LHFPL3: variants seen among roughly 807,000 people sequenced by gnomAD.
The protein encoded by LHFPL3 is LHFPL tetraspan subfamily member 3 protein.
A neutral mutation model predicts 19.3 loss-of-function variants in LHFPL3; 5 were observed. The ratio of observed to expected loss-of-function variants is 0.26; its 90% confidence interval spans 0.14 to 0.54. The LOEUF (loss-of-function observed/expected upper bound fraction) is 0.54, where lower values mean the gene tolerates loss of function less well. Among genes scored for constraint, LHFPL3 ranks in the 20% least tolerant of loss-of-function variants. LHFPL3 has a pLI of 0.94. For synonymous variants in LHFPL3, 133 were observed against 126.2 expected (o/e 1.05, Z -0.36); for missense variants, 249 against 307.4 (o/e 0.81, Z 1.42).
intron 2 of LHFPL3, among the ~76,000 whole-genome samples, chr7:104,871,637 C>G (rs577781802): frequency 2.0e-5 from 3 of 152,180 alleles, no homozygotes; most frequent in African/African-American, 7.2e-5. Context: ...GTAAAACACA[C>G]ACACATCGTA....
At chr7:104,746,505 C>T (rs1474292672) in intron 2 of LHFPL3, among the ~76,000 whole-genome samples, 2 of 152,136 alleles carry the variant, frequency 1.3e-5, no homozygotes, top group African/African-American at 4.8e-5. Context: ...TGAAATCTCA[C>T]CAGTTTGTTT....
Position 104,588,244 on chromosome 7 carries a change from T to A in LHFPL3, c.446-148431T>A, listed in dbSNP as rs77430762. Reference sequence around the variant, plus strand: ...AGGTTTTCTTCTAAGGTTTTTATGGTTTCAGGTCCAACATTTAAGTCTTTA... The same window carrying A: ...AGGTTTTCTTCTAAGGTTTTTATGGATTCAGGTCCAACATTTAAGTCTTTA... On this transcript the variant is annotated intron_variant, in intron 1 of 2. Transcript: ENST00000424859. Among the ~76,000 whole-genome samples, 621 of 152,334 alleles carry A rather than the reference T, an allele frequency of 4.1e-3. 34 individuals carry two copies. The East Asian group carries it at 0.099, about 24-fold the overall frequency.
chr7:104,596,388 C>G (rs1405710233), intron 1 of LHFPL3, among the ~76,000 whole-genome samples: 4 of 152,206 alleles, frequency 2.6e-5, no homozygotes, highest in Non-Finnish European at 5.9e-5. Context: ...GCAGCAATAT[C>G]TTCTTGAAAT....
chr7:104,631,306 AAACCAT>A (rs1466942352), intron 1 of LHFPL3, among the ~76,000 whole-genome samples: 1 of 152,124 alleles, frequency 6.6e-6, no homozygotes, highest in Non-Finnish European at 1.5e-5. Context: ...TTTCAGTGTA[AAACCAT>A]ATTCACTATG....
chr7:104,609,570 G>A (rs959156175), intron 1 of LHFPL3, among the ~76,000 whole-genome samples: 58 of 152,252 alleles, frequency 3.8e-4, no homozygotes, highest in African/African-American at 1.4e-3. Context: ...ATGGTGCAGA[G>A]AATATAAAAA....
intron 2 of LHFPL3, among the ~76,000 whole-genome samples, chr7:104,756,335 A>G (rs1794285352): frequency 6.6e-6 from 1 of 152,222 alleles, no homozygotes. Flanking sequence ...CAACAGCAAG[A>G]GTCTGGCATC....
intron 1 of LHFPL3, among the ~76,000 whole-genome samples, chr7:104,678,542 A>G (rs144359162): frequency 1.1e-3 from 172 of 152,312 alleles, no homozygotes; most frequent in African/African-American, 3.9e-3. Flanking sequence ...TAAAAGCTTC[A>G]AAAAGAACCT....
chr7:104,589,778 C>T (rs1035090105), intron 1 of LHFPL3, among the ~76,000 whole-genome samples: 1 of 152,240 alleles, frequency 6.6e-6, no homozygotes, highest in East Asian at 1.9e-4. Flanking sequence ...TAATTATTGC[C>T]TCAATTTCAG....
At chr7:104,886,221 C>T (rs1390106170) in intron 2 of LHFPL3, among the ~76,000 whole-genome samples, 6 of 152,206 alleles carry the variant, frequency 3.9e-5, no homozygotes, top group South Asian at 2.1e-4. Context: ...ATCATATATG[C>T]TCAATTCATA....
intron 2 of LHFPL3, among the ~76,000 whole-genome samples, chr7:104,874,390 CT>C (rs1234139276): frequency 0.026 from 3,080 of 120,412 alleles, 58 homozygotes; most frequent in African/African-American, 0.078. Context: ...AAAAGGAATG[CT>C]TTTTTTTTTT....
At chr7:104,580,616 CA>C (rs1790442345) in intron 1 of LHFPL3, among the ~76,000 whole-genome samples, 1 of 152,028 alleles carries the variant, frequency 6.6e-6, no homozygotes, top group African/African-American at 2.4e-5. Context: ...TGAATTTTGA[CA>C]AATTGGCACT....
rs1329044643 is a variant in LHFPL3 at position 104,880,422 on chromosome 7, T to C, written c.683-25765T>C. 2.0e-5 allele frequency among the ~76,000 whole-genome samples: 3 copies of C among 152,146 alleles called. No individual in the cohort carries two copies. In the East Asian group the frequency reaches 5.8e-4, roughly 29 times the overall value. ...TGAGCCAAATAAATCTCTTTCTGCA[T>C]AAATTACCCTGCCTCAGTTACTCCT... On this transcript the variant is annotated intron_variant, in intron 2 of 2. Coordinates refer to ENST00000424859, the MANE Select transcript of LHFPL3 (RefSeq NM_199000.3).
At chr7:104,477,071 G>A (rs1793036437) in intron 1 of LHFPL3, among the ~76,000 whole-genome samples, 1 of 152,016 alleles carries the variant, frequency 6.6e-6, no homozygotes, top group Non-Finnish European at 1.5e-5. Flanking sequence ...GCTCACTGAA[G>A]CCTCCAACTC....
chr7:104,795,450 G>T (rs13243476), intron 2 of LHFPL3, among the ~76,000 whole-genome samples: 1 of 151,978 alleles, frequency 6.6e-6, no homozygotes, highest in Admixed American at 6.5e-5. Context: ...TTAAGACAGC[G>T]ATTCTTCTAA....
chr7:104,421,096 T>C (rs1216618816), intron 1 of LHFPL3, among the ~76,000 whole-genome samples: 1 of 152,106 alleles, frequency 6.6e-6, no homozygotes, highest in Non-Finnish European at 1.5e-5. Context: ...GAGAAGGTAG[T>C]AAGGATAACT....
At chr7:104,490,869 T>TC (rs1793331393) in intron 1 of LHFPL3, among the ~76,000 whole-genome samples, 1 of 152,172 alleles carries the variant, frequency 6.6e-6, no homozygotes, top group East Asian at 1.9e-4. Flanking sequence ...GGGTGCCACC[T>TC]CTTTTTTTCG....
chr7:104,742,470 A>T (rs1473316681), intron 2 of LHFPL3, among the ~76,000 whole-genome samples: 1 of 152,220 alleles, frequency 6.6e-6, no homozygotes, highest in Non-Finnish European at 1.5e-5. Flanking sequence ...TAAGCAACTA[A>T]TTGAGAAATC....
At chr7:104,571,975 C>A (rs1790239307) in intron 1 of LHFPL3, among the ~76,000 whole-genome samples, 1 of 152,128 alleles carries the variant, frequency 6.6e-6, no homozygotes, top group Non-Finnish European at 1.5e-5. Flanking sequence ...AAATCTTCCC[C>A]CTTTTCTCCC....
chr7:104,832,533 G>A (rs180833917), intron 2 of LHFPL3, among the ~76,000 whole-genome samples: 1 of 151,128 alleles, frequency 6.6e-6, no homozygotes, highest in East Asian at 1.9e-4. Flanking sequence ...TTTTCTCATC[G>A]AGATTACTCC....
Sources: allele counts gnomAD v4.1 joint callset (sites outside exome capture counted in the v4.1 genomes callset), GRCh38; gene constraint gnomAD v4.1.1; transcripts MANE v1.5; gene names NCBI Gene and HGNC (gene_info 2026-07-23, HGNC 2026-07-21).